The following CEP290 variants were observed in gnomAD, a reference collection of about 807,000 sequenced individuals.
The protein encoded by CEP290 is centrosomal protein of 290 kDa.
In CEP290, 317 loss-of-function variants were observed where a neutral mutation model predicts 344.9. The ratio of observed to expected loss-of-function variants is 0.92; its 90% confidence interval spans 0.84 to 1.01. The LOEUF is 1.01. Ranked by LOEUF, CEP290 falls within the 50% of genes least tolerant of loss-of-function variation. The pLI is 0.00. For missense variants in CEP290, 2,754 were observed against 2,761.4 expected (o/e 1.00, Z 0.06); for synonymous variants, 932 against 895.8 (o/e 1.04, Z -0.72).
In CEP290 at chr12:88,135,424, C is replaced by T. The variant is rs569334942; in HGVS notation, c.441+1219G>A. On this transcript the variant is annotated intron_variant, in intron 6 of 53. Coordinates refer to ENST00000552810, the MANE Select transcript of CEP290 (RefSeq NM_025114.4). ...GAACAAAAGTCCAGAAAACCACAGA[C>T]ATCCCCCTAAGCAATTCTACCAGTG... 3.9e-5 allele frequency among the ~76,000 whole-genome samples: 6 copies of T among 152,298 alleles called. No individual in the cohort carries two copies. In the South Asian group the frequency reaches 6.2e-4, roughly 16 times the overall value.
intron 6 of CEP290, 197 bp downstream of exon 6, chr12:88,136,446 A>G (rs1341090145): frequency 7.2e-6 from 4 of 552,054 alleles, no homozygotes; most frequent in Non-Finnish European, 1.3e-5. Context: ...ATTAATCTTC[A>G]AGTCATATTC....
At position 88,055,661 on chromosome 12, in the gene CEP290, C is replaced by G. The variant is rs1241998041; in HGVS notation, c.6875G>C (p.Ser2292Thr). 3.9e-6 allele frequency: 6 copies of G among 1,557,588 alleles called. No individual in the cohort carries two copies. The highest frequency in any genetic ancestry group is 5.2e-6 in the Non-Finnish European group (6 of 1,152,034). ...TACAAGCTGTTTAAGGTCAGTAATG[C>G]TTTGATTTTTTTTGGCAATATCAGT... ...LETDIAKKNQ[S>T]ITDLKQLVKE... is the part of the protein sequence containing the mutation. The change falls in exon 50 of 54, where the codon AGC becomes ACC. Residue 2292 changes from serine (S) to threonine (T), a missense_variant. By Grantham distance (58) the Ser-to-Thr change is moderately conservative. Coordinates refer to ENST00000552810, the MANE Select transcript of CEP290 (RefSeq NM_025114.4).
At position 88,049,066 on chromosome 12, in the gene CEP290, A is replaced by G; in HGVS notation, c.*118T>C. On this transcript the variant is annotated 3_prime_UTR_variant, in exon 54 of 54. Transcript: ENST00000552810. ...ATTTATTAAGAATTCCAATCTAAGT[A>G]TAAAGGTACAAGGTAGTGAGAAGGA... 1.9e-6 allele frequency: 1 copy of G among 513,042 alleles called. No homozygotes were observed. Among genetic ancestry groups the G allele is most frequent in the South Asian group, 4.8e-5 (1 of 21,046 alleles). 31.8% of individuals were successfully genotyped at this position (513,042 alleles called of 1,614,324 possible).
rs569516152 is a variant in CEP290, at chr12:88,093,652, A to C, written c.3309+118T>G. 7 of 674,292 alleles carry C rather than the reference A, an allele frequency of 1.0e-5. No homozygotes were observed. In the East Asian group the frequency reaches 1.9e-4, roughly 19 times the overall value. The allele number at this position is 674,292 out of a possible 1,614,324, so 41.8% of individuals were successfully genotyped here. On this transcript the variant is annotated intron_variant, in intron 28 of 53. Coordinates refer to ENST00000552810, the MANE Select transcript of CEP290 (RefSeq NM_025114.4). Reference sequence around the variant, plus strand: ...TTTATTTATTTATTACACAAAACATAGGCACTATATTAATAAGATATTTCA... The same window carrying C: ...TTTATTTATTTATTACACAAAACATCGGCACTATATTAATAAGATATTTCA...
Position 88,111,280 on chromosome 12 carries a change from A to C in CEP290, c.2289T>G (p.Ile763Met). The C allele has an allele frequency of 6.4e-7, 1 of 1,555,346 alleles. No individual in the cohort carries two copies. Among genetic ancestry groups the C allele is most frequent in the East Asian group, 2.4e-5 (1 of 42,232 alleles). ...ATGGTGCTATCCCATCAGGTAAGTC[A>C]ATTCCTTTAAAAACAACATTTGATC... Reference protein sequence around the residue: ...SEGSNVVFKGIDLPDGIAPSS... With the variant: ...SEGSNVVFKGMDLPDGIAPSS... Residue 763 changes from isoleucine to methionine, a missense_variant, in exon 22 of 54, where the codon ATT becomes ATG. Physicochemically the swap from Ile to Met is conservative, Grantham distance 10 (BLOSUM62 1). Transcript: ENST00000552810.
At chr12:88,138,676 C>T (rs1379066745) in intron 5 of CEP290, among the ~76,000 whole-genome samples, 1 of 152,192 alleles carries the variant, frequency 6.6e-6, no homozygotes, top group Non-Finnish European at 1.5e-5. Flanking sequence ...CTCATCCACT[C>T]ATCCTCCTCT....
intron 44 of CEP290, among the ~76,000 whole-genome samples, chr12:88,067,819 T>C (rs2035057052): frequency 6.6e-6 from 1 of 152,230 alleles, no homozygotes; most frequent in Non-Finnish European, 1.5e-5. Context: ...AAATGTGTTC[T>C]AATTTGTATT....
chr12:88,139,046 T>C (rs1490656822), intron 5 of CEP290, 99 bp downstream of exon 5: 1 of 660,332 alleles, frequency 1.5e-6, no homozygotes, highest in African/African-American at 1.9e-5. Context: ...ATTACAATCA[T>C]CCTTATAATT....
At chr12:88,071,089 A>G (rs777106111) in intron 43 of CEP290, among the ~76,000 whole-genome samples, 3 of 152,170 alleles carry the variant, frequency 2.0e-5, no homozygotes, top group Non-Finnish European at 4.4e-5. Context: ...AATTTAAACA[A>G]GAACCAGAGT....
chr12:88,115,139 A>G lies in CEP290; in HGVS notation c.1868T>C (p.Leu623Ser). 6.7e-7 allele frequency: 1 copy of G among 1,495,774 alleles called. No homozygotes were observed. Among genetic ancestry groups the G allele is most frequent in the Non-Finnish European group, 9.1e-7 (1 of 1,093,254 alleles). 92.7% of individuals were successfully genotyped at this position (1,495,774 alleles called of 1,614,324 possible). The change falls in exon 19 of 54, where the codon TTA becomes TCA. Residue 623 changes from leucine to serine, a missense_variant. Leu to Ser is a moderately radical substitution (Grantham distance 145). Transcript: ENST00000552810. ...SRELIEKERD[L>S]ERSRTVIAKF... The stretch of plus-strand genomic sequence containing the variant: ...GGCTATCACTGTCCTACTCCTTTCT[A>G]AATCTCTTTCTTTTTCAATTAGTTC...
At chr12:88,122,815 C>T (rs2039490507) in intron 13 of CEP290, among the ~76,000 whole-genome samples, 1 of 152,072 alleles carries the variant, frequency 6.6e-6, no homozygotes, top group Non-Finnish European at 1.5e-5. Flanking sequence ...ATATCGTGGG[C>T]TCTTGAAGTT....
At chr12:88,103,905 AG>A (rs1256308517) in intron 25 of CEP290, 2 of 152,106 alleles carry the variant, frequency 1.3e-5, no homozygotes, top group Non-Finnish European at 1.5e-5. Context: ...TGGGGGAAAC[AG>A]GGGTAGATGA....
intron 26 of CEP290, among the ~76,000 whole-genome samples, chr12:88,099,271 T>A (rs1215218007): frequency 1.3e-5 from 2 of 152,090 alleles, no homozygotes; most frequent in Admixed American, 6.6e-5. Flanking sequence ...GCTGGTTAGG[T>A]AACTGAACAT....
intron 44 of CEP290, among the ~76,000 whole-genome samples, chr12:88,064,844 T>C (rs1340407244): frequency 2.0e-5 from 3 of 152,132 alleles, no homozygotes; most frequent in Admixed American, 1.3e-4. Context: ...ACCAAATCTG[T>C]AGTAGTCTGT....
Position 88,077,894 on chromosome 12 carries a change from T to A in CEP290, c.5389A>T (p.Asn1797Tyr). ...LKTQVEDLNE[N>Y]LLKLKEALKT... is the part of the protein sequence containing the mutation. ...AGTGCTTCTTTCAATTTTAAAAGATTTTCATTTAAATCTTCAACTTGTGTC... is the reference window on the plus strand; with the variant it reads ...AGTGCTTCTTTCAATTTTAAAAGATATTCATTTAAATCTTCAACTTGTGTC... Residue 1797 changes from asparagine to tyrosine, a missense_variant, in exon 40 of 54, where the codon AAT becomes TAT. Coordinates refer to ENST00000552810, the MANE Select transcript of CEP290 (RefSeq NM_025114.4). The A allele has an allele frequency of 7.4e-7, 1 of 1,354,244 alleles. No individual in the cohort carries two copies. Among genetic ancestry groups the A allele is most frequent in the Non-Finnish European group, 1.0e-6 (1 of 995,096 alleles). The allele number at this position is 1,354,244 out of a possible 1,614,324, so 83.9% of individuals were successfully genotyped here. A position where few individuals can be genotyped will look rare whatever the true frequency, so the allele number is the denominator to read the frequency against.
At position 88,091,898 on chromosome 12, in the gene CEP290, TTTTTG is replaced by T. The variant is rs2037075338; in HGVS notation, c.3461+778_3461+782del. The stretch of plus-strand genomic sequence containing the variant: ...TACAGCATATAGCTGGCACACGGTT[TTTTTG>T]TTTTGTTTTTCTTTGTTTGTTTGTT... On this transcript the variant is annotated intron_variant, in intron 29 of 53. Transcript: ENST00000552810. Among the ~76,000 whole-genome samples the T allele has an allele frequency of 4.6e-5, 7 of 152,204 alleles. No homozygotes were observed. The South Asian group carries it at 1.5e-3, about 32-fold the overall frequency.
chr12:88,111,321 A>T lies in CEP290; in HGVS notation c.2248T>A (p.Leu750Ile). ...IDHLEKETSLLRQSEGSNVVF... is the reference protein window; with the variant it reads ...IDHLEKETSLIRQSEGSNVVF... The stretch of plus-strand genomic sequence containing the variant: ...ACATTTGATCCTTCTGATTGTCGTA[A>T]AAGACTAGTTTCTTTTTCAAGATGG... The change falls in exon 22 of 54, where the codon TTA becomes ATA. Residue 750 changes from leucine to isoleucine, a missense_variant. Physicochemically the swap from Leu to Ile is conservative, Grantham distance 5. Transcript: ENST00000552810. 8 of 1,565,214 alleles carry T rather than the reference A, an allele frequency of 5.1e-6. No homozygotes were observed. Among genetic ancestry groups the T allele is most frequent in the Non-Finnish European group, 6.9e-6 (8 of 1,155,498 alleles).
At position 88,092,722 on chromosome 12, in the gene CEP290, T is replaced by C. The variant is rs762723146; in HGVS notation, c.3420A>G (p.Glu1140=). 7.5e-6 allele frequency: 12 copies of C among 1,610,622 alleles called. No individual in the cohort carries two copies. In the African/African-American group the frequency reaches 1.2e-4, roughly 16 times the overall value. ...TTAGTTCCATTTCATTCTTCTCTAATTCTAGAATCCGTTGCCTATCAGCAT... is the reference window on the plus strand; with the variant it reads ...TTAGTTCCATTTCATTCTTCTCTAACTCTAGAATCCGTTGCCTATCAGCAT... ...VSDADRQRIL[E]LEKNEMELKV... The change falls in exon 29 of 54, where the codon GAA becomes GAG. Residue 1140 remains glutamate, a synonymous_variant. Coordinates refer to ENST00000552810, the MANE Select transcript of CEP290 (RefSeq NM_025114.4).
intron 27 of CEP290, among the ~76,000 whole-genome samples, chr12:88,095,806 TA>T (rs1184757517): frequency 2.0e-5 from 3 of 152,258 alleles, no homozygotes; most frequent in Admixed American, 6.5e-5. Context: ...AAGCACAATA[TA>T]TGAGATAAAA....
Sources: allele counts gnomAD v4.1 joint callset (sites outside exome capture counted in the v4.1 genomes callset), GRCh38; gene constraint gnomAD v4.1.1; transcripts MANE v1.5; gene names NCBI Gene and HGNC (gene_info 2026-07-23, HGNC 2026-07-21).